SEPTIN12: variants seen among roughly 807,000 people sequenced by gnomAD.
SEPTIN12 encodes septin-12.
A neutral mutation model predicts 37.7 loss-of-function variants in SEPTIN12; 42 were observed. The ratio of observed to expected loss-of-function variants is 1.11; its 90% CI spans 0.87 to 1.44. The LOEUF (loss-of-function observed/expected upper bound fraction) is 1.44. Ranked by LOEUF, SEPTIN12 falls within the 40% of genes most tolerant of loss-of-function variation. The pLI is 0.00. For synonymous variants in SEPTIN12, 254 were observed against 196.7 expected (o/e 1.29, Z -2.44); for missense variants, 613 against 479.2 (o/e 1.28, Z -2.61).
intron 9 of SEPTIN12, 40 bp downstream of exon 9, chr16:4,778,046 C>A (rs1444920396): frequency 6.2e-7 from 1 of 1,613,148 alleles, no homozygotes; most frequent in African/African-American, 1.3e-5. Flanking sequence ...CCCCAGGGCC[C>A]CTCGCCAGCC....
intron 4 of SEPTIN12, 169 bp downstream of exon 4, chr16:4,785,638 G>C: frequency 3.4e-6 from 2 of 590,858 alleles, no homozygotes; most frequent in Non-Finnish European, 6.0e-6. Flanking sequence ...TTAGCTGGGC[G>C]TGGTGGCGGG....
At chr16:4,786,449 G>A (rs1274278082) in intron 2 of SEPTIN12, among the ~76,000 whole-genome samples, 1 of 150,984 alleles carries the variant, frequency 6.6e-6, no homozygotes, top group Non-Finnish European at 1.5e-5. Context: ...CCGCCTCCCA[G>A]ATTCACGCCA....
upstream of SEPTIN12, chr16:4,790,140 C>G (rs977116162): frequency 3.3e-5 from 5 of 152,106 alleles, no homozygotes; most frequent in Non-Finnish European, 5.9e-5. Flanking sequence ...TCTTGAACTC[C>G]TGGGGTCAAG....
chr16:4,780,370 G>C (rs536707232), intron 7 of SEPTIN12, among the ~76,000 whole-genome samples: 1 of 152,102 alleles, frequency 6.6e-6, no homozygotes, highest in Non-Finnish European at 1.5e-5. Flanking sequence ...TTATAGGAGT[G>C]AGCTACCACA....
intron 2 of SEPTIN12, among the ~76,000 whole-genome samples, chr16:4,786,909 C>G (rs1182048519): frequency 2.0e-5 from 3 of 151,996 alleles, no homozygotes; most frequent in African/African-American, 7.2e-5. Context: ...CAGTCTTGCT[C>G]TGTCACCCAG....
chr16:4,787,722 T>C (rs1046621559), intron 1 of SEPTIN12, 55 bp from the exon 2 acceptor site: 7 of 731,860 alleles, frequency 9.6e-6, no homozygotes, highest in African/African-American at 8.7e-5. Context: ...GGAGCCCACA[T>C]TGACCTCTCC....
chr16:4,784,383 C>T lies in SEPTIN12; in HGVS notation c.375-315G>A, dbSNP rs12446462. 0.26 allele frequency: 88,477 copies of T among 343,120 alleles called. 12,385 individuals are homozygous for T. The highest frequency in any genetic ancestry group is 0.4 in the South Asian group (11,088 of 27,894). The allele number at this position is 343,120 out of a possible 1,614,324, so 21.3% of individuals were successfully genotyped here. A position where few individuals can be genotyped will look rare whatever the true frequency, so the allele number is the denominator to read the frequency against. ...GGGCCCAAACCACCAAGGAATCGCGCCTGATGGTTGCAGGGGTCTCCCTCC... is the reference window on the plus strand; with the variant it reads ...GGGCCCAAACCACCAAGGAATCGCGTCTGATGGTTGCAGGGGTCTCCCTCC... On this transcript the variant is annotated intron_variant, in intron 4 of 9. Coordinates refer to ENST00000268231, the MANE Select transcript of SEPTIN12 (RefSeq NM_144605.5).
At chr16:4,786,989 C>G (rs1307007151) in intron 2 of SEPTIN12, among the ~76,000 whole-genome samples, 1 of 152,006 alleles carries the variant, frequency 6.6e-6, no homozygotes, top group African/African-American at 2.4e-5. Flanking sequence ...ATTCTCCTGC[C>G]TTAGCCTCCT....
Position 4,784,164 on chromosome 16 carries a change from C to G in SEPTIN12, c.375-96G>C. 3.4e-6 allele frequency: 5 copies of G among 1,456,554 alleles called. No homozygotes were observed. In the South Asian group the frequency reaches 4.8e-5, roughly 14 times the overall value. 90.2% of individuals were successfully genotyped at this position (1,456,554 alleles called of 1,614,324 possible). ...TCCTCTGGGCGGTCCTCCCTTGGGA[C>G]GACGAATCGTCCCGGTTGGCCCGGG... On this transcript the variant is annotated intron_variant, in intron 4 of 9. Coordinates refer to ENST00000268231, the MANE Select transcript of SEPTIN12 (RefSeq NM_144605.5).
intron 2 of SEPTIN12, among the ~76,000 whole-genome samples, chr16:4,786,797 C>T (rs905760206): frequency 3.9e-5 from 6 of 152,158 alleles, no homozygotes; most frequent in Non-Finnish European, 8.8e-5. Context: ...AGGTGCATGT[C>T]ACCATGCCTG....
rs570605523 is a variant in SEPTIN12 at position 4,780,420 on chromosome 16, C to A, written c.727-634G>T. Among the ~76,000 whole-genome samples the A allele has an allele frequency of 3.3e-5, 5 of 152,172 alleles. No homozygotes were observed. The East Asian group carries it at 9.7e-4, about 30-fold the overall frequency. On this transcript the variant is annotated intron_variant, in intron 7 of 9. Transcript: ENST00000268231. ...CTTCCTATATATAAAGTTTTATTGG[C>A]ACATAGTTGAGCCTATGAGTCATTT...
chr16:4,784,702 C>G (rs2082414829), intron 4 of SEPTIN12, among the ~76,000 whole-genome samples: 1 of 149,434 alleles, frequency 6.7e-6, no homozygotes, highest in African/African-American at 2.5e-5. Flanking sequence ...TTGGGGAGGT[C>G]AAGGCTGCAG....
rs118116570 is a variant in SEPTIN12, at chr16:4,783,818, C to G, written c.513-52G>C. On this transcript the variant is annotated intron_variant, in intron 5 of 9. Transcript: ENST00000268231. ...GTGGCGGTGGTGGTGAGTGTATAAACGACAGCAGCAGGGCACGGGGGTGGG... is the reference window on the plus strand; with the variant it reads ...GTGGCGGTGGTGGTGAGTGTATAAAGGACAGCAGCAGGGCACGGGGGTGGG... The G allele has an allele frequency of 5.0e-6, 8 of 1,602,862 alleles. No homozygotes were observed. The Admixed American group carries it at 1.3e-4, about 27-fold the overall frequency.
chr16:4,781,328 G>T (rs942166884), intron 7 of SEPTIN12, among the ~76,000 whole-genome samples: 3 of 151,408 alleles, frequency 2.0e-5, no homozygotes, highest in Non-Finnish European at 4.4e-5. Context: ...ACATTGTACG[G>T]TACGGGGGTT....
At chr16:4,784,265 T>G (rs954524883) in intron 4 of SEPTIN12, 197 bp from the exon 5 acceptor site, 1 of 595,352 alleles carries the variant, frequency 1.7e-6, no homozygotes, top group Non-Finnish European at 3.0e-6. Flanking sequence ...CCTGCCATTC[T>G]CGGCTTCACT....
rs773794575 is a variant in SEPTIN12, at chr16:4,777,828, C to T, written c.1046G>A (p.Gly349Glu). The change falls in exon 10 of 10, where the codon GGG becomes GAG. Residue 349 changes from glycine (G) to glutamate (E), a missense_variant. Transcript: ENST00000268231. ...CTCATCATCAGAATCGTCATGGGCC[C>T]CCCTGCAGACCTTGAAGGTCCGGGG... ...TTPRTFKVCR[G>E]AHDDSDDEF The T allele has an allele frequency of 4.7e-5, 74 of 1,583,806 alleles. No individual in the cohort carries two copies. The Admixed American group carries it at 7.4e-4, about 16-fold the overall frequency.
upstream of SEPTIN12, among the ~76,000 whole-genome samples, chr16:4,791,325 T>A (rs1395832093): frequency 6.6e-6 from 1 of 152,016 alleles, no homozygotes; most frequent in African/African-American, 2.4e-5. Context: ...GCAGCGTGAC[T>A]ATGGTGGAAG....
chr16:4,786,094 G>A lies in SEPTIN12; in HGVS notation c.178C>T (p.Leu60=). 1.2e-6 allele frequency: 2 copies of A among 1,606,398 alleles called. No individual in the cohort carries two copies. The highest frequency in any genetic ancestry group is 1.1e-5 in the South Asian group (1 of 90,376). ...GTGTTCACCATCGTGGACTTGCCCA[G>A]CCCGCTTTGCCCTGGGAGTGGCAAC... is the stretch of plus-strand genomic sequence containing the variant. ...FNIMVVGQSG[L]GKSTMVNTLF... Residue 60 remains leucine (L), a synonymous_variant, in exon 3 of 10, where the codon CTG becomes TTG. Coordinates refer to ENST00000268231, the MANE Select transcript of SEPTIN12 (RefSeq NM_144605.5).
At chr16:4,787,358 T>C (rs2082471554) in intron 2 of SEPTIN12, 122 bp downstream of exon 2, 3 of 862,890 alleles carry the variant, frequency 3.5e-6, no homozygotes, top group South Asian at 2.7e-5. Flanking sequence ...CCCTGTGAGG[T>C]GCTATTATCA....
Sources: allele counts gnomAD v4.1 joint callset (sites outside exome capture counted in the v4.1 genomes callset), GRCh38; gene constraint gnomAD v4.1.1; transcripts MANE v1.5; gene names NCBI Gene and HGNC (gene_info 2026-07-23, HGNC 2026-07-21).